The following SLC5A4 variants were observed in gnomAD, a reference collection of about 807,000 sequenced individuals.
The protein encoded by SLC5A4 is probable glucose sensor protein SLC5A4.
A neutral mutation model predicts 70.3 loss-of-function variants in SLC5A4; 55 were observed. That is an observed-to-expected ratio of 0.78 (90% CI 0.63 to 0.98). The LOEUF (loss-of-function observed/expected upper bound fraction) is 0.98. Ranked by LOEUF, SLC5A4 falls within the 50% of genes least tolerant of loss-of-function variation. SLC5A4 has a pLI of 0.00. For missense variants in SLC5A4, 735 were observed against 839.2 expected (o/e 0.88, Z 1.53); for synonymous variants, 268 against 305.7 (o/e 0.88, Z 1.29).
At chr22:32,325,034 G>C in the SLC5A4 span, among the ~76,000 whole-genome samples, 4 of 152,226 alleles carry the variant, frequency 2.6e-5, no homozygotes, top group East Asian at 7.7e-4. Context: ...CGCCTGCCCT[G>C]ATGCGGGAGT....
chr22:32,318,089 C>G, the SLC5A4 span, among the ~76,000 whole-genome samples: 1 of 152,130 alleles, frequency 6.6e-6, no homozygotes, highest in Non-Finnish European at 1.5e-5. Context: ...CACTGCACTC[C>G]CCTCTCCTGG....
At chr22:32,335,029 G>T in the SLC5A4 span, among the ~76,000 whole-genome samples, 1 of 152,188 alleles carries the variant, frequency 6.6e-6, no homozygotes. Flanking sequence ...GGGCCAGCTC[G>T]CATGGAGGCT....
chr22:32,310,873 GCA>G, the SLC5A4 span, among the ~76,000 whole-genome samples: 1 of 152,230 alleles, frequency 6.6e-6, no homozygotes, highest in Non-Finnish European at 1.5e-5. Context: ...GGCATTGTTT[GCA>G]CAGTGTGACT....
chr22:32,338,537 C>T, the SLC5A4 span, among the ~76,000 whole-genome samples: 4 of 152,138 alleles, frequency 2.6e-5, no homozygotes, highest in Admixed American at 6.5e-5. Flanking sequence ...TGGTGGTGGG[C>T]GCCTGTAATG....
At chr22:32,301,588 C>G in the SLC5A4 span, among the ~76,000 whole-genome samples, 1 of 152,134 alleles carries the variant, frequency 6.6e-6, no homozygotes, top group Non-Finnish European at 1.5e-5. Flanking sequence ...TGTGACAATA[C>G]TTACCAAATT....
chr22:32,330,829 T>TGTTTTGGGAGGCTCTG, the SLC5A4 span, among the ~76,000 whole-genome samples: 1 of 104,388 alleles, frequency 9.6e-6, no homozygotes, highest in Non-Finnish European at 1.9e-5. Context: ...GGCTCTGGTG[T>TGTTTTGGGAGGCTCTG]GTGTGTGTGT....
At chr22:32,291,410 C>T in the SLC5A4 span, among the ~76,000 whole-genome samples, 3 of 152,102 alleles carry the variant, frequency 2.0e-5, no homozygotes, top group Admixed American at 6.6e-5. Context: ...AACTCCTGAC[C>T]TCGTGATCCA....
In SLC5A4 at chr22:32,255,209, C is replaced by G. The variant is rs1927408417; in HGVS notation, c.121G>C (p.Ala41Pro). The change falls in exon 1 of 15, where the codon GCT becomes CCT. Residue 41 changes from alanine to proline, a missense_variant. Transcript: ENST00000266086. ...VIVIYFLVVM[A>P]VGLWAMLKTN... is the part of the protein sequence containing the mutation. ...ATTCCACCTACCCACAGCCCAACAGCCATCACCACCAGAAAATAGATGACA... is the reference window on the plus strand; with the variant it reads ...ATTCCACCTACCCACAGCCCAACAGGCATCACCACCAGAAAATAGATGACA... 6.2e-7 allele frequency: 1 copy of G among 1,613,884 alleles called. No individual in the cohort carries two copies. Among genetic ancestry groups the G allele is most frequent in the African/African-American group, 1.3e-5 (1 of 74,830 alleles).
the SLC5A4 span, among the ~76,000 whole-genome samples, chr22:32,305,623 C>T: frequency 1.4e-5 from 2 of 147,852 alleles, no homozygotes; most frequent in South Asian, 4.4e-4. Context: ...GCAGCCTGTC[C>T]CTTCTCCTGC....
the SLC5A4 span, among the ~76,000 whole-genome samples, chr22:32,302,443 A>G: frequency 6.6e-6 from 1 of 152,148 alleles, no homozygotes; most frequent in Non-Finnish European, 1.5e-5. Context: ...ATAGTTTTAC[A>G]TTTAACATTT....
chr22:32,278,983 C>T, the SLC5A4 span, among the ~76,000 whole-genome samples: 1 of 152,178 alleles, frequency 6.6e-6, no homozygotes, highest in African/African-American at 2.4e-5. Context: ...TCATTTAAAA[C>T]TTGCTGCTAT....
the SLC5A4 span, chr22:32,270,561 G>A: frequency 3.6e-5 from 26 of 718,624 alleles, no homozygotes; most frequent in South Asian, 2.2e-4. Flanking sequence ...CCATATTCCC[G>A]CAGATGGGGC....
chr22:32,306,880 G>A, the SLC5A4 span, among the ~76,000 whole-genome samples: 4 of 150,090 alleles, frequency 2.7e-5, no homozygotes, highest in African/African-American at 9.8e-5. Context: ...AACTGGGTAT[G>A]AGAAACTGAC....
intron 5 of SLC5A4, among the ~76,000 whole-genome samples, chr22:32,239,560 A>ATT (rs1569374904): frequency 1.2e-3 from 28 of 22,428 alleles, no homozygotes; most frequent in African/African-American, 5.3e-3. Context: ...ATATATATAT[A>ATT]TATATATATT....
the SLC5A4 span, among the ~76,000 whole-genome samples, chr22:32,309,624 A>G: frequency 6.6e-6 from 1 of 152,092 alleles, no homozygotes; most frequent in Non-Finnish European, 1.5e-5. Flanking sequence ...CGGGGTTTTC[A>G]GGAGCCCTTG....
the SLC5A4 span, among the ~76,000 whole-genome samples, chr22:32,320,868 A>C: frequency 3.9e-5 from 6 of 152,282 alleles, no homozygotes; most frequent in Middle Eastern, 3.4e-3. Context: ...GGGACTCACC[A>C]CCATGCTCTG....
chr22:32,320,329 T>G, the SLC5A4 span, among the ~76,000 whole-genome samples: 5 of 152,306 alleles, frequency 3.3e-5, no homozygotes, highest in African/African-American at 1.2e-4. Context: ...ACGGTACAGA[T>G]GCCCACATCC....
the SLC5A4 span, among the ~76,000 whole-genome samples, chr22:32,281,363 C>T: frequency 1.4e-4 from 21 of 152,154 alleles, no homozygotes; most frequent in Admixed American, 3.9e-4. Flanking sequence ...TGGGGTTGGG[C>T]GTGCAGGGGT....
At chr22:32,229,130 T>C (rs1603226694) in intron 11 of SLC5A4, 64 bp downstream of exon 11, 1 of 1,480,224 alleles carries the variant, frequency 6.8e-7, no homozygotes, top group East Asian at 2.3e-5. Context: ...ACAAGGGAAC[T>C]CTAGTTCACT....
Sources: allele counts gnomAD v4.1 joint callset (sites outside exome capture counted in the v4.1 genomes callset), GRCh38; gene constraint gnomAD v4.1.1; transcripts MANE v1.5; gene names NCBI Gene and HGNC (gene_info 2026-07-23, HGNC 2026-07-21).